PCNX1: variants seen among roughly 807,000 people sequenced by gnomAD.
PCNX1 encodes the protein pecanex 1.
PCNX1 carries 78 observed loss-of-function variants against 242.2 expected under a neutral mutation model. The observed-to-expected ratio is 0.32, with a 90% CI of 0.27 to 0.39. The LOEUF (loss-of-function observed/expected upper bound fraction) is 0.39, where lower values mean the gene tolerates loss of function less well. Among genes scored for constraint, PCNX1 ranks in the 10% least tolerant of loss-of-function variants. PCNX1 has a pLI of 1.00. For synonymous variants in PCNX1, 1,024 were observed against 1,032.9 expected, an observed-to-expected ratio of 0.99 and a Z score of 0.17; for missense variants, 2,581 against 2,856.5, an observed-to-expected ratio of 0.90 and a Z score of 2.20.
chr14:71,105,549 T>C, intron 33 of PCNX1, 109 bp downstream of exon 33: 3 of 847,820 alleles, frequency 3.5e-6, no homozygotes, highest in South Asian at 1.8e-5. Flanking sequence ...AATTCAGAAA[T>C]AGAATTTTTT....
rs916229977 is a variant in PCNX1 at position 71,107,078 on chromosome 14, A to G, written c.6302-1526A>G. On this transcript the variant is annotated intron_variant, in intron 33 of 35. Transcript: ENST00000304743. ...ATTTCCCTTTGACATGAGATCTACA[A>G]TCCACCTGGTGTGCAGAAGGAATCA... 5.3e-5 allele frequency among the ~76,000 whole-genome samples: 8 copies of G among 151,646 alleles called. No homozygotes were observed. In the East Asian group the frequency reaches 9.7e-4, roughly 18 times the overall value.
intron 12 of PCNX1, among the ~76,000 whole-genome samples, chr14:71,019,388 GTGTTTGTTT>G (rs2060037527): frequency 6.7e-6 from 1 of 149,378 alleles, no homozygotes; most frequent in South Asian, 2.1e-4. Context: ...AAAGAAAACT[GTGTTTGTTT>G]TGTTTGTTTT....
At chr14:71,053,378 CGCCATCTTGAT>C in intron 24 of PCNX1, 1 of 424,100 alleles carries the variant, frequency 2.4e-6, no homozygotes, top group Non-Finnish European at 4.6e-6. Flanking sequence ...AGTGCAATGG[CGCCATCTTGAT>C]TCACTGCAAC....
At chr14:71,082,463 C>T (rs1043838180) in intron 28 of PCNX1, among the ~76,000 whole-genome samples, 3 of 152,150 alleles carry the variant, frequency 2.0e-5, no homozygotes, top group Admixed American at 2.0e-4. Flanking sequence ...GTGTTAAAAT[C>T]TCCCACTATG....
intron 27 of PCNX1, among the ~76,000 whole-genome samples, chr14:71,075,438 G>A (rs976061313): frequency 1.3e-5 from 2 of 152,078 alleles, no homozygotes; most frequent in African/African-American, 2.4e-5. Flanking sequence ...TTGTATGTGC[G>A]TGTGGCATTT....
chr14:70,996,738 T>C (rs1345860837), intron 8 of PCNX1, among the ~76,000 whole-genome samples: 1 of 152,174 alleles, frequency 6.6e-6, no homozygotes, highest in African/African-American at 2.4e-5. Context: ...AAGCATTTAC[T>C]CATTGTGATT....
chr14:71,010,302 G>C (rs1034710583), intron 9 of PCNX1, among the ~76,000 whole-genome samples: 1 of 151,938 alleles, frequency 6.6e-6, no homozygotes. Flanking sequence ...AGCTAATCAG[G>C]ACTTACTCTT....
chr14:71,085,933 C>T, intron 28 of PCNX1: 1 of 159,864 alleles, frequency 6.3e-6, no homozygotes, highest in Admixed American at 6.4e-5. Context: ...ACGCCTTTTG[C>T]AGGAACTCCA....
At chr14:71,012,658 C>T (rs533179177) in intron 10 of PCNX1, 101 of 309,024 alleles carry the variant, frequency 3.3e-4, no homozygotes, top group South Asian at 2.8e-3. Context: ...GGTAAAATCC[C>T]GTCTCTACAA....
chr14:70,921,809 A>G (rs1287253841), intron 1 of PCNX1, among the ~76,000 whole-genome samples: 3 of 152,130 alleles, frequency 2.0e-5, no homozygotes, highest in African/African-American at 7.2e-5. Flanking sequence ...ATCTGTACAT[A>G]CTCTGTCTCT....
At chr14:71,020,313 A>G (rs1260065004) in intron 12 of PCNX1, among the ~76,000 whole-genome samples, 1 of 152,166 alleles carries the variant, frequency 6.6e-6, no homozygotes, top group East Asian at 1.9e-4. Flanking sequence ...TGGGATTGCT[A>G]GGTCAAATGG....
chr14:70,977,767 A>G lies in PCNX1; in HGVS notation c.1430A>G (p.His477Arg), dbSNP rs2058726449. The part of the protein sequence containing the change: ...AKDPTPSDEM[H>R]NQRGLSTSAS... The stretch of plus-strand genomic sequence containing the variant: ...GACCCCACCCCCTCTGATGAGATGC[A>G]CAACCAGAGAGGTCTCAGCACCTCT... The change falls in exon 6 of 36, where the codon CAC becomes CGC. Residue 477 changes from histidine to arginine, a missense_variant. Transcript: ENST00000304743. 1 of 1,614,032 alleles carries G rather than the reference A, an allele frequency of 6.2e-7. No homozygotes were observed. The highest frequency in any genetic ancestry group is 1.3e-5 in the African/African-American group (1 of 74,930).
At position 70,963,889 on chromosome 14, in the gene PCNX1, G is replaced by C. The variant is rs145042440; in HGVS notation, c.468+1558G>C. Among the ~76,000 whole-genome samples the C allele has an allele frequency of 8.9e-3, 1,361 of 152,238 alleles. 10 individuals are homozygous for C. The highest frequency in any genetic ancestry group is 0.012 in the Non-Finnish European group (838 of 68,016). On this transcript the variant is annotated intron_variant, in intron 3 of 35. Coordinates refer to ENST00000304743, the MANE Select transcript of PCNX1 (RefSeq NM_014982.3). ...GACCAGGGCGACTGTTCTCTTGTGT[G>C]TTCATCACTGTATCATGCGGCTCAT...
At chr14:71,051,785 A>G (rs2061042965) in intron 23 of PCNX1, 98 bp from the exon 24 acceptor site, 1 of 1,154,420 alleles carries the variant, frequency 8.7e-7, no homozygotes, top group South Asian at 1.5e-5. Context: ...CAGTTCTCTA[A>G]TTGAGGTAAT....
intron 1 of PCNX1, among the ~76,000 whole-genome samples, chr14:70,941,631 T>G (rs539173959): frequency 1.8e-3 from 278 of 152,358 alleles, no homozygotes; most frequent in Non-Finnish European, 3.0e-3. Context: ...AACTCTGTGC[T>G]GGGAGAACCA....
chr14:71,031,562 C>A, intron 16 of PCNX1: 1 of 462,414 alleles, frequency 2.2e-6, no homozygotes, highest in East Asian at 4.5e-5. Context: ...CTTCAACAAC[C>A]TCCTGAGACA....
chr14:71,036,180 T>C (rs2060526499), intron 19 of PCNX1, 23 bp downstream of exon 19: 1 of 1,449,686 alleles, frequency 6.9e-7, no homozygotes, highest in Non-Finnish European at 9.7e-7. Context: ...TTTCTCCTTT[T>C]ATTTGTTTGT....
intron 27 of PCNX1, 70 bp from the exon 28 acceptor site, chr14:71,076,119 T>C: frequency 1.1e-6 from 1 of 912,206 alleles, no homozygotes; most frequent in Non-Finnish European, 1.8e-6. Flanking sequence ...ATTTATTTCA[T>C]TGAGTAATCT....
chr14:70,937,179 T>G (rs886478542), intron 1 of PCNX1, among the ~76,000 whole-genome samples: 1 of 152,224 alleles, frequency 6.6e-6, no homozygotes, highest in African/African-American at 2.4e-5. Context: ...TGCCATTGCT[T>G]TTGGTGTGTT....
Sources: gnomAD v4.1 joint callset for allele counts (sites outside exome capture counted in the v4.1 genomes callset) on GRCh38, gnomAD v4.1.1 for gene constraint, MANE v1.5 for transcripts, NCBI Gene and HGNC (gene_info 2026-07-23, HGNC 2026-07-21) for gene names.